ZAN: variants seen among roughly 807,000 people sequenced by gnomAD.
ZAN encodes zonadhesin (gene/pseudogene).
A neutral mutation model predicts 286.2 loss-of-function variants in ZAN; 260 were observed. The ratio of observed to expected loss-of-function variants is 0.91; its 90% confidence interval spans 0.82 to 1.01. ZAN has a LOEUF of 1.01. Among genes scored for constraint, ZAN ranks in the 50% least tolerant of loss-of-function variants. ZAN has a pLI of 0.00. For missense variants in ZAN, 3,410 were observed against 3,639.2 expected, an observed-to-expected ratio of 0.94 and a Z score of 1.62; for synonymous variants, 1,368 against 1,417.5, an observed-to-expected ratio of 0.97 and a Z score of 0.79.
intron 31 of ZAN, 51 bp from the exon 32 acceptor site, chr7:100,775,277 C>G: frequency 6.3e-7 from 1 of 1,590,050 alleles, no homozygotes; most frequent in East Asian, 2.3e-5. Flanking sequence ...CCCAGGGACC[C>G]TGTACCTGCC....
At position 100,762,374 on chromosome 7, in the gene ZAN, T is replaced by A; in HGVS notation, c.3986+16T>A. ...AGGACCAGGAGTGAGCAAGGAGCCC[T>A]CCCACCGGGGCCCTGGGAAGGTTCC... On this transcript the variant is annotated intron_variant, in intron 20 of 47. Coordinates refer to ENST00000613979, the MANE Select transcript of ZAN (RefSeq NM_003386.3). 6.5e-7 allele frequency: 1 copy of A among 1,534,656 alleles called. No homozygotes were observed. The highest frequency in any genetic ancestry group is 8.8e-7 in the Non-Finnish European group (1 of 1,132,658).
At chr7:100,762,483 T>A (rs1584586628) in intron 20 of ZAN, 125 bp downstream of exon 20, 1 of 1,266,694 alleles carries the variant, frequency 7.9e-7, no homozygotes, top group East Asian at 2.8e-5. Context: ...TGGAGTGCAG[T>A]GGTGCGATCT....
At chr7:100,734,721 T>C (rs1184131836) in intron 2 of ZAN, among the ~76,000 whole-genome samples, 2 of 139,996 alleles carry the variant, frequency 1.4e-5, no homozygotes, top group African/African-American at 5.2e-5. Context: ...AGGGGCGGGT[T>C]CTGGGAGCGG....
chr7:100,759,806 C>G lies in ZAN; in HGVS notation c.3657C>G (p.Pro1219=), dbSNP rs374243234. The part of the protein sequence containing the change: ...SCLSKVYVTL[P]ESTVTLLKGR... ...TGAGCAAAGTCTACGTGACCCTGCCCGAGAGCACCGTCACCCTGCTTAAGG... is the reference window on the plus strand; with the variant it reads ...TGAGCAAAGTCTACGTGACCCTGCCGGAGAGCACCGTCACCCTGCTTAAGG... Residue 1219 remains proline, a synonymous_variant, in exon 18 of 48, where the codon CCC becomes CCG. Transcript: ENST00000613979. The G allele has an allele frequency of 3.7e-6, 6 of 1,611,004 alleles. No individual in the cohort carries two copies. In the Admixed American group the frequency reaches 6.7e-5, roughly 18 times the overall value.
rs1009647655 is a variant in ZAN, at chr7:100,736,386, C to A, written c.107-97C>A. The stretch of plus-strand genomic sequence containing the variant: ...ACCCGGCTGATTTCATGGCAGCTTT[C>A]TCTAAGTGTAGCAATCTTGCTACTT... On this transcript the variant is annotated intron_variant, in intron 3 of 47. Transcript: ENST00000613979. 16 of 1,323,168 alleles carry A rather than the reference C, an allele frequency of 1.2e-5. No individual in the cohort carries two copies. In the South Asian group the frequency reaches 1.9e-4, roughly 15 times the overall value. 82.0% of individuals were successfully genotyped at this position (1,323,168 alleles called of 1,614,324 possible). A position where few individuals can be genotyped will look rare whatever the true frequency, so the allele number is the denominator to read the frequency against.
chr7:100,770,557 C>T (rs888650800), intron 28 of ZAN, among the ~76,000 whole-genome samples: 1 of 151,540 alleles, frequency 6.6e-6, no homozygotes, highest in African/African-American at 2.4e-5. Flanking sequence ...CTATGTAGCC[C>T]AGGCTGTTCT....
At position 100,737,369 on chromosome 7, in the gene ZAN, C is replaced by T. The variant is rs778827164; in HGVS notation, c.613+20C>T. 2.2e-6 allele frequency: 3 copies of T among 1,395,248 alleles called. No homozygotes were observed. In the East Asian group the frequency reaches 7.5e-5, roughly 35 times the overall value. 86.4% of individuals were successfully genotyped at this position (1,395,248 alleles called of 1,614,324 possible). The stretch of plus-strand genomic sequence containing the variant: ...ATCGCGGTGAGTCCCTGTCCCTCCT[C>T]CCGCCTGCCCTCGGACCCTTTTCTC... On this transcript the variant is annotated intron_variant, in intron 6 of 47. Coordinates refer to ENST00000613979, the MANE Select transcript of ZAN (RefSeq NM_003386.3).
Position 100,736,805 on chromosome 7 carries a change from C to G in ZAN, c.254-4C>G, listed in dbSNP as rs770989098. 6.8e-7 allele frequency: 1 copy of G among 1,470,178 alleles called. No individual in the cohort carries two copies. The highest frequency in any genetic ancestry group is 1.4e-5 in the African/African-American group (1 of 70,188). 91.1% of individuals were successfully genotyped at this position (1,470,178 alleles called of 1,614,324 possible). A position where few individuals can be genotyped will look rare whatever the true frequency, so the allele number is the denominator to read the frequency against. On this transcript the variant is annotated splice_region_variant and splice_polypyrimidine_tract_variant and intron_variant, in intron 4 of 47. Coordinates refer to ENST00000613979, the MANE Select transcript of ZAN (RefSeq NM_003386.3). ...CTCAGTGTCTTGGGCTCTGCCTCCC[C>G]CAGAGGGCAGCTATCTGCATATGGA...
At chr7:100,754,859 C>A (rs1297152730) in intron 14 of ZAN, among the ~76,000 whole-genome samples, 1 of 151,990 alleles carries the variant, frequency 6.6e-6, no homozygotes, top group African/African-American at 2.4e-5. Flanking sequence ...CCAGGCTGTT[C>A]TTGAACTCCT....
At chr7:100,737,891 C>T (rs1807426580) in intron 6 of ZAN, among the ~76,000 whole-genome samples, 1 of 139,990 alleles carries the variant, frequency 7.1e-6, no homozygotes, top group Admixed American at 7.1e-5. Context: ...GGTGTGAGGC[C>T]AGGAGTTTGA....
Position 100,774,666 on chromosome 7 carries a change from A to AT in ZAN, c.5780-654dup, listed in dbSNP as rs1002040985. Among the ~76,000 whole-genome samples, 25 of 151,842 alleles carry AT rather than the reference A, an allele frequency of 1.6e-4. 1 individual carries two copies. The South Asian group carries it at 3.3e-3, about 20-fold the overall frequency. ...GAACAAGACCCTGTCTCTAAAAAAA[A>AT]TTTTTTTTAATTAGTTGAATAGGGT... On this transcript the variant is annotated intron_variant, in intron 31 of 47. Coordinates refer to ENST00000613979, the MANE Select transcript of ZAN (RefSeq NM_003386.3).
At chr7:100,736,239 T>C (rs1807280833) in intron 3 of ZAN, among the ~76,000 whole-genome samples, 1 of 142,552 alleles carries the variant, frequency 7.0e-6, no homozygotes, top group Admixed American at 7.0e-5. Context: ...AGTCTCCCTC[T>C]GTCCCTCAGG....
Position 100,756,191 on chromosome 7 carries a change from T to G in ZAN, c.3309+781T>G, listed in dbSNP as rs1809133338. ...TTATTGTAAAGATGAAATTAAGTCC[T>G]AACACATACAATTACTTAATAAGTG... On this transcript the variant is annotated intron_variant, in intron 15 of 47. Coordinates refer to ENST00000613979, the MANE Select transcript of ZAN (RefSeq NM_003386.3). Among the ~76,000 whole-genome samples the G allele has an allele frequency of 2.0e-5, 3 of 152,346 alleles. 1 individual carries two copies. The South Asian group carries it at 6.2e-4, about 32-fold the overall frequency.
At position 100,769,958 on chromosome 7, in the gene ZAN, C is replaced by A; in HGVS notation, c.5232C>A (p.Ile1744=). 6.4e-7 allele frequency: 1 copy of A among 1,564,558 alleles called. No individual in the cohort carries two copies. Among genetic ancestry groups the A allele is most frequent in the Non-Finnish European group, 8.7e-7 (1 of 1,153,992 alleles). Residue 1744 remains isoleucine, a synonymous_variant, in exon 28 of 48, where the codon ATC becomes ATA. Transcript: ENST00000613979. ...MADAWNKNCA[I]LINPQGPFSQ... ...ACGCCTGGAACAAGAACTGTGCGAT[C>A]TTAATAAACCCTCAGGGTAAGACAT...
intron 42 of ZAN, among the ~76,000 whole-genome samples, chr7:100,792,998 G>GAAAAAAA (rs1233962121): frequency 1.0e-5 from 1 of 95,374 alleles, no homozygotes; most frequent in African/African-American, 3.6e-5. Flanking sequence ...AAAAAAAAAA[G>GAAAAAAA]AAAGAAAGAA....
intron 7 of ZAN, among the ~76,000 whole-genome samples, chr7:100,744,016 C>A (rs1808003390): frequency 6.6e-6 from 1 of 151,140 alleles, no homozygotes; most frequent in South Asian, 2.1e-4. Flanking sequence ...CACGCCCAGC[C>A]TATATCTCTT....
chr7:100,753,852 A>AG (rs1562927839), intron 14 of ZAN, among the ~76,000 whole-genome samples: 1 of 151,464 alleles, frequency 6.6e-6, no homozygotes, highest in Non-Finnish European at 1.5e-5. Flanking sequence ...AAAAAAAAAA[A>AG]AAAGCAAAAG....
At chr7:100,796,430 T>G (rs1006858987) in intron 45 of ZAN, among the ~76,000 whole-genome samples, 5 of 151,014 alleles carry the variant, frequency 3.3e-5, no homozygotes, top group African/African-American at 1.2e-4. Context: ...GCTTTTTTTT[T>G]TTTTTTTTTT....
chr7:100,772,097 C>CG, intron 29 of ZAN, 77 bp downstream of exon 29: 7 of 1,227,760 alleles, frequency 5.7e-6, no homozygotes, highest in Non-Finnish European at 7.5e-6. Flanking sequence ...CCTCTAAATT[C>CG]TTTTTTTTTT....
Sources: allele counts gnomAD v4.1 joint callset (sites outside exome capture counted in the v4.1 genomes callset), GRCh38; gene constraint gnomAD v4.1.1; transcripts MANE v1.5; gene names NCBI Gene and HGNC (gene_info 2026-07-23, HGNC 2026-07-21).